The following RASSF5 variants were observed in gnomAD, a reference collection of about 807,000 sequenced individuals.
The protein encoded by RASSF5 is ras association domain-containing protein 5.
Under a neutral mutation model 40.5 loss-of-function variants are expected in RASSF5, and 25 were observed. That is an observed-to-expected ratio of 0.62 (90% CI 0.45 to 0.86). The LOEUF is 0.86. Ranked by LOEUF, RASSF5 falls within the 40% of genes least tolerant of loss-of-function variation. The pLI is 0.00. For synonymous variants in RASSF5, 246 were observed against 252.4 expected (o/e 0.97, Z 0.24); for missense variants, 521 against 572.8 (o/e 0.91, Z 0.92).
intron 2 of RASSF5, among the ~76,000 whole-genome samples, chr1:206,573,365 G>C (rs1383272227): frequency 1.3e-5 from 2 of 152,174 alleles, no homozygotes; most frequent in African/African-American, 4.8e-5. Context: ...GTGAGTAATA[G>C]GAGTCAGAAG....
chr1:206,529,762 C>A, intron 1 of RASSF5: 2 of 425,532 alleles, frequency 4.7e-6, no homozygotes, highest in African/African-American at 3.0e-5. Context: ...ACAATTTTTC[C>A]TTCAAAAAAA....
rs552827285 is a variant in RASSF5, at chr1:206,560,469, T to G, written c.579+22176T>G. On this transcript the variant is annotated intron_variant, in intron 2 of 5. Transcript: ENST00000579436. This position sits in a 1 kb window ranked among gnomAD's most constrained non-coding sequence, Gnocchi z 5.1. ...CACCAGGCCCTGGGCCCTAGCTTGG[T>G]CTCTCTTTTCAGAAAATGGCAGTTT... 2.6e-5 allele frequency among the ~76,000 whole-genome samples: 4 copies of G among 152,314 alleles called. No individual in the cohort carries two copies. The South Asian group carries it at 6.2e-4, about 24-fold the overall frequency.
At chr1:206,564,029 C>T (rs1668219350) in intron 2 of RASSF5, among the ~76,000 whole-genome samples, 1 of 152,230 alleles carries the variant, frequency 6.6e-6, no homozygotes, top group African/African-American at 2.4e-5. Context: ...GCTCAAGCCA[C>T]TAAGAGGTTA....
intron 2 of RASSF5, among the ~76,000 whole-genome samples, chr1:206,564,952 C>G (rs141695818): frequency 0.011 from 1,745 of 152,284 alleles, 40 homozygotes; most frequent in African/African-American, 0.04. Flanking sequence ...CTCATCTCCC[C>G]TCTTCTCCCA....
At chr1:206,575,868 G>A (rs933172372) in intron 2 of RASSF5, among the ~76,000 whole-genome samples, 26 of 152,214 alleles carry the variant, frequency 1.7e-4, no homozygotes, top group African/African-American at 6.3e-4. Context: ...TAACGCCAAA[G>A]TCCAAAGCCT....
intron 1 of RASSF5, among the ~76,000 whole-genome samples, chr1:206,527,938 CA>C (rs1667138614): frequency 6.6e-6 from 1 of 152,134 alleles, no homozygotes; most frequent in African/African-American, 2.4e-5. Context: ...ACAAGGCTGC[CA>C]AAGGTCATTT....
intron 2 of RASSF5, among the ~76,000 whole-genome samples, chr1:206,564,422 A>G (rs1430769190): frequency 1.3e-5 from 2 of 152,182 alleles, no homozygotes. Context: ...GCTTTTCCCT[A>G]TAAAGCAATT....
intron 2 of RASSF5, chr1:206,544,814 C>G (rs1667634072): frequency 6.6e-6 from 1 of 152,226 alleles, no homozygotes; most frequent in Non-Finnish European, 1.5e-5. Context: ...TCTGTGCTTC[C>G]TGGCTCCCAG....
chr1:206,565,200 G>A (rs1668252081), intron 2 of RASSF5, among the ~76,000 whole-genome samples: 1 of 152,078 alleles, frequency 6.6e-6, no homozygotes, highest in Non-Finnish European at 1.5e-5. Flanking sequence ...TGTCCCCGCA[G>A]TGCTGCAGAG....
intron 1 of RASSF5, among the ~76,000 whole-genome samples, chr1:206,521,004 G>T (rs1336676056): frequency 6.6e-6 from 1 of 152,190 alleles, no homozygotes; most frequent in Non-Finnish European, 1.5e-5. Context: ...CCAGGTAAAA[G>T]TAGAGGAGAG....
At chr1:206,573,700 T>A (rs1553404612) in intron 2 of RASSF5, among the ~76,000 whole-genome samples, 1 of 152,202 alleles carries the variant, frequency 6.6e-6, no homozygotes, top group East Asian at 1.9e-4. Context: ...CCGAGATGGA[T>A]GGTCTACTTG....
intron 1 of RASSF5, among the ~76,000 whole-genome samples, chr1:206,524,351 T>C (rs959288740): frequency 7.3e-6 from 1 of 136,370 alleles, no homozygotes; most frequent in Non-Finnish European, 1.5e-5. Flanking sequence ...ATACATTTTA[T>C]ATATATTATA....
At chr1:206,568,244 G>A (rs1291962374) in intron 2 of RASSF5, among the ~76,000 whole-genome samples, 8 of 152,216 alleles carry the variant, frequency 5.3e-5, no homozygotes, top group African/African-American at 1.9e-4. Flanking sequence ...ATAGCTAAGT[G>A]GATATGTTTC....
chr1:206,534,330 A>G lies in RASSF5; in HGVS notation c.458-3842A>G, dbSNP rs890556750. On this transcript the variant is annotated intron_variant, in intron 1 of 5. Coordinates refer to ENST00000579436, the MANE Select transcript of RASSF5 (RefSeq NM_182663.4). Reference sequence around the variant, plus strand: ...CTCAAAGCATCCCCTAGCAATAGGGATAGGGTCTGTCATTGGAAGGAAAGG... The same window carrying G: ...CTCAAAGCATCCCCTAGCAATAGGGGTAGGGTCTGTCATTGGAAGGAAAGG... Among the ~76,000 whole-genome samples, 11 of 152,158 alleles carry G rather than the reference A, an allele frequency of 7.2e-5. No homozygotes were observed. In the East Asian group the frequency reaches 7.7e-4, roughly 11 times the overall value.
chr1:206,582,745 C>G (rs77213936), intron 2 of RASSF5, among the ~76,000 whole-genome samples: 2,655 of 152,264 alleles, frequency 0.017, 80 homozygotes, highest in African/African-American at 0.061. Flanking sequence ...GTCCTTGGTC[C>G]TTGGGATCTA....
At chr1:206,578,739 T>C (rs971354023) in intron 2 of RASSF5, among the ~76,000 whole-genome samples, 1 of 152,118 alleles carries the variant, frequency 6.6e-6, no homozygotes, top group Non-Finnish European at 1.5e-5. Flanking sequence ...CCCCCTCTCA[T>C]TGCCACAGCA....
intron 5 of RASSF5, 83 bp downstream of exon 5, chr1:206,585,378 T>A (rs782196278): frequency 1.0e-6 from 1 of 972,782 alleles, no homozygotes. Context: ...CTACCTCACA[T>A]AGGTGGGAGC....
intron 1 of RASSF5, among the ~76,000 whole-genome samples, chr1:206,511,364 C>T (rs369229004): frequency 5.9e-5 from 9 of 152,334 alleles, no homozygotes; most frequent in Middle Eastern, 3.4e-3. Flanking sequence ...TTACAGATGA[C>T]GTCCCTTAGT....
At chr1:206,562,921 CAA>C (rs75427222) in intron 2 of RASSF5, among the ~76,000 whole-genome samples, 3 of 144,586 alleles carry the variant, frequency 2.1e-5, no homozygotes, top group Admixed American at 6.9e-5. Context: ...GTCTCTGTCT[CAA>C]AAAAAAAAAG....
Sources: gnomAD v4.1 joint callset for allele counts (sites outside exome capture counted in the v4.1 genomes callset) on GRCh38, gnomAD v4.1.1 for gene constraint, Gnocchi (gnomAD v3.1) non-coding constraint, MANE v1.5 for transcripts, NCBI Gene and HGNC (gene_info 2026-07-23, HGNC 2026-07-21) for gene names.